Variants in CEP135 observed in about 807,000 individuals in gnomAD.
The protein encoded by CEP135 is centrosomal protein of 135 kDa.
In CEP135, 142 loss-of-function variants were observed where a neutral mutation model predicts 157.3. The observed-to-expected ratio is 0.90, with a 90% CI of 0.79 to 1.04. The LOEUF (loss-of-function observed/expected upper bound fraction) is 1.04. CEP135 is among the 50% of genes least tolerant of loss of function. The pLI, the probability that CEP135 is intolerant of heterozygous loss-of-function variation, is 0.00. For synonymous variants in CEP135, 396 were observed against 439.8 expected, an observed-to-expected ratio of 0.90 and a Z score of 1.25; for missense variants, 1,317 against 1,309.2, an observed-to-expected ratio of 1.01 and a Z score of -0.09.
intron 11 of CEP135, among the ~76,000 whole-genome samples, chr4:55,976,505 T>C (rs993942754): frequency 3.3e-5 from 5 of 152,344 alleles, no homozygotes; most frequent in African/African-American, 4.8e-5. Flanking sequence ...TGCTCTGTGC[T>C]GGATTCACAA....
chr4:55,994,587 C>T (rs79187499), intron 15 of CEP135, among the ~76,000 whole-genome samples: 3,115 of 152,086 alleles, frequency 0.02, 110 homozygotes, highest in African/African-American at 0.072. Flanking sequence ...CCTGAGGTAC[C>T]CATCTTCTTT....
At chr4:55,984,685 A>G (rs1284929733) in intron 13 of CEP135, among the ~76,000 whole-genome samples, 1 of 152,216 alleles carries the variant, frequency 6.6e-6, no homozygotes, top group African/African-American at 2.4e-5. Context: ...AATGAATAAC[A>G]AGGATGGAAA....
intron 22 of CEP135, 30 bp from the exon 23 acceptor site, chr4:56,019,323 T>C: frequency 1.3e-6 from 2 of 1,543,648 alleles, no homozygotes; most frequent in Non-Finnish European, 1.8e-6. Flanking sequence ...AAAATTGTAC[T>C]GAAGTAATCT....
In CEP135 at chr4:56,009,819, T is replaced by G. The variant is rs1730505619; in HGVS notation, c.2421T>G (p.Asp807Glu). 1 of 1,614,096 alleles carries G rather than the reference T, an allele frequency of 6.2e-7. No individual in the cohort carries two copies. Among genetic ancestry groups the G allele is most frequent in the African/African-American group, 1.3e-5 (1 of 75,042 alleles). Residue 807 changes from aspartate to glutamate, a missense_variant, in exon 19 of 26, where the codon GAT becomes GAG. Asp to Glu is a conservative substitution (Grantham distance 45, BLOSUM62 2). Transcript: ENST00000257287. ...RQLDAAHKELDEVGRSREIAF... is the reference protein window; with the variant it reads ...RQLDAAHKELEEVGRSREIAF... ...TTGATGCAGCTCACAAAGAACTCGA[T>G]GAAGTAGGAAGATCTAGAGAAATCG...
At chr4:55,988,345 G>A (rs1295553770) in intron 14 of CEP135, among the ~76,000 whole-genome samples, 1 of 152,076 alleles carries the variant, frequency 6.6e-6, no homozygotes, top group Non-Finnish European at 1.5e-5. Flanking sequence ...CCTCCCAGAT[G>A]TGAAGCCTTT....
chr4:55,997,205 A>G (rs1358409173), intron 15 of CEP135, among the ~76,000 whole-genome samples: 4 of 152,206 alleles, frequency 2.6e-5, no homozygotes, highest in African/African-American at 9.6e-5. Flanking sequence ...TTTCGTTGAG[A>G]GGACCTTTAT....
chr4:56,013,084 G>A (rs760750803), intron 21 of CEP135, among the ~76,000 whole-genome samples: 22 of 152,192 alleles, frequency 1.4e-4, no homozygotes, highest in Non-Finnish European at 2.4e-4. Context: ...TATAAGAGCC[G>A]TCATAATGGG....
chr4:55,965,927 C>G (rs1415981178), intron 8 of CEP135, 68 bp downstream of exon 8: 9 of 1,301,390 alleles, frequency 6.9e-6, no homozygotes, highest in East Asian at 4.9e-5. Flanking sequence ...AAGCTTGATC[C>G]CTTTTGATAT....
rs111568794 is a variant in CEP135, at chr4:56,015,752, T to G, written c.2803-1896T>G. Among the ~76,000 whole-genome samples, 672 of 152,332 alleles carry G rather than the reference T, an allele frequency of 4.4e-3. 2 individuals are homozygous for G. The highest frequency in any genetic ancestry group is 0.015 in the African/African-American group (637 of 41,584). On this transcript the variant is annotated intron_variant, in intron 21 of 25. Coordinates refer to ENST00000257287, the MANE Select transcript of CEP135 (RefSeq NM_025009.5). ...GGTCTGTAGATGGAGGAGAATTTTG[T>G]CCCAGTGTGGTCCATATTCAGAGTC...
chr4:55,979,816 T>C (rs1729339961), intron 11 of CEP135, among the ~76,000 whole-genome samples: 1 of 152,214 alleles, frequency 6.6e-6, no homozygotes, highest in Non-Finnish European at 1.5e-5. Flanking sequence ...ATACTGCTAA[T>C]GCTTCTGGTC....
intron 17 of CEP135, among the ~76,000 whole-genome samples, chr4:56,002,501 C>A (rs969293637): frequency 1.3e-5 from 2 of 152,056 alleles, no homozygotes; most frequent in African/African-American, 2.4e-5. Flanking sequence ...TATATGGTTT[C>A]TCTTCTTGCT....
chr4:56,020,620 C>T, intron 23 of CEP135, 56 bp from the exon 24 acceptor site: 1 of 1,405,474 alleles, frequency 7.1e-7, no homozygotes, highest in Non-Finnish European at 1.0e-6. Context: ...AAACCCACAG[C>T]ACCTGACTCT....
intron 19 of CEP135, among the ~76,000 whole-genome samples, chr4:56,010,228 CG>C (rs1730529505): frequency 7.1e-6 from 1 of 141,592 alleles, no homozygotes; most frequent in African/African-American, 2.6e-5. Context: ...CCAGGCCTGG[CG>C]GCATGCGCCT....
chr4:55,995,056 A>G lies in CEP135; in HGVS notation c.2009+2971A>G, dbSNP rs924058191. On this transcript the variant is annotated intron_variant, in intron 15 of 25. Transcript: ENST00000257287. ...TTTGTCTGTTGTCAGAGCACATAAT[A>G]TAAAATCTCACTTTTAACCATGTTT... is the stretch of plus-strand genomic sequence containing the variant. Among the ~76,000 whole-genome samples the G allele has an allele frequency of 5.3e-5, 8 of 152,330 alleles. 1 individual carries two copies. In the South Asian group the frequency reaches 1.0e-3, roughly 20 times the overall value.
chr4:55,968,929 T>C (rs1728927706), intron 8 of CEP135, 134 bp from the exon 9 acceptor site: 1 of 525,806 alleles, frequency 1.9e-6, no homozygotes, highest in East Asian at 3.5e-5. Context: ...TCGTTGAAAT[T>C]GATAGGGATA....
chr4:55,964,195 C>G, intron 6 of CEP135, 79 bp from the exon 7 acceptor site: 7 of 1,345,424 alleles, frequency 5.2e-6, no homozygotes, highest in Non-Finnish European at 6.0e-6. Context: ...GAAAATATAT[C>G]CAAATAAATG....
intron 6 of CEP135, among the ~76,000 whole-genome samples, chr4:55,961,135 C>T (rs1728667304): frequency 6.7e-6 from 1 of 149,334 alleles, no homozygotes; most frequent in African/African-American, 2.4e-5. Flanking sequence ...ATCATAATGT[C>T]AACCCCAAAA....
chr4:55,974,750 A>G lies in CEP135; in HGVS notation c.1254A>G (p.Arg418=), dbSNP rs62641662. 753 of 1,610,356 alleles carry G rather than the reference A, an allele frequency of 4.7e-4. 1 individual carries two copies. The African/African-American group carries it at 9.1e-3, about 19-fold the overall frequency. Residue 418 remains arginine (R), a synonymous_variant, in exon 11 of 26, where the codon CGA becomes CGG. Coordinates refer to ENST00000257287, the MANE Select transcript of CEP135 (RefSeq NM_025009.5). ...GTTAACCACTTTAATTTACAGAACG[A>G]CAACTTACTCTGGAGGTTGAGAGGA... ...KKVESFAVTE[R]QLTLEVERMR... is the part of the protein sequence containing the mutation.
chr4:56,008,637 T>C (rs1407574636), intron 18 of CEP135, among the ~76,000 whole-genome samples: 1 of 152,218 alleles, frequency 6.6e-6, no homozygotes, highest in African/African-American at 2.4e-5. Context: ...TTATTTTTAC[T>C]ATAATTATGC....
Sources: allele counts gnomAD v4.1 joint callset (sites outside exome capture counted in the v4.1 genomes callset), GRCh38; gene constraint gnomAD v4.1.1; transcripts MANE v1.5; gene names NCBI Gene and HGNC (gene_info 2026-07-23, HGNC 2026-07-21).